TSHZ2: variants seen among roughly 807,000 people sequenced by gnomAD.
The protein encoded by TSHZ2 is teashirt homolog 2.
A neutral mutation model predicts 74.4 loss-of-function variants in TSHZ2; 21 were observed. The ratio of observed to expected loss-of-function variants is 0.28; its 90% CI spans 0.20 to 0.41. The LOEUF (loss-of-function observed/expected upper bound fraction) is 0.41, where lower values mean the gene tolerates loss of function less well. Ranked by LOEUF, TSHZ2 falls within the 10% of genes least tolerant of loss-of-function variation. The pLI is 1.00. For missense variants in TSHZ2, 1,244 were observed against 1,293.5 expected, an observed-to-expected ratio of 0.96 and a Z score of 0.59; for synonymous variants, 540 against 515.3, an observed-to-expected ratio of 1.05 and a Z score of -0.65.
rs139846277 is a variant in TSHZ2 at position 53,013,798 on chromosome 20, A to G, written c.40+40465A>G. Reference sequence around the variant, plus strand: ...CATCAGTGATAGCTTTCTATTGCCTATGTGGTTTTAAAAAATCTTCTTTCC... The same window carrying G: ...CATCAGTGATAGCTTTCTATTGCCTGTGTGGTTTTAAAAAATCTTCTTTCC... On this transcript the variant is annotated intron_variant, in intron 1 of 2. Transcript: ENST00000371497. 3.3e-5 allele frequency among the ~76,000 whole-genome samples: 5 copies of G among 152,312 alleles called. No homozygotes were observed. In the East Asian group the frequency reaches 9.6e-4, roughly 29 times the overall value.
At chr20:53,464,874 C>G (rs570908651) in intron 2 of TSHZ2, among the ~76,000 whole-genome samples, 13 of 152,322 alleles carry the variant, frequency 8.5e-5, no homozygotes, top group African/African-American at 3.1e-4. Flanking sequence ...TCAAATGATC[C>G]TCCTGCCTCA....
chr20:53,485,982 T>C (rs1365427366), intron 2 of TSHZ2, among the ~76,000 whole-genome samples: 5 of 152,210 alleles, frequency 3.3e-5, no homozygotes, highest in Admixed American at 2.6e-4. Context: ...AATGTCCATC[T>C]ACAGAATTTT....
At chr20:53,113,733 G>A (rs1034943625) in intron 1 of TSHZ2, among the ~76,000 whole-genome samples, 1 of 152,098 alleles carries the variant, frequency 6.6e-6, no homozygotes, top group East Asian at 1.9e-4. Flanking sequence ...CTTAAGCGTA[G>A]GTTAATCCCT....
intron 1 of TSHZ2, among the ~76,000 whole-genome samples, chr20:53,073,194 C>G (rs1375041008): frequency 7.0e-6 from 1 of 142,896 alleles, no homozygotes; most frequent in Non-Finnish European, 1.5e-5. Flanking sequence ...CCATCCATCC[C>G]TCCCTCCATC....
intron 1 of TSHZ2, among the ~76,000 whole-genome samples, chr20:53,170,287 T>C (rs1988167510): frequency 6.6e-6 from 1 of 152,230 alleles, no homozygotes. Context: ...AATTGACATC[T>C]AGGCTAAGAA....
rs570800961 is a variant in TSHZ2 at position 53,020,463 on chromosome 20, T to A, written c.40+47130T>A. Among the ~76,000 whole-genome samples the A allele has an allele frequency of 7.2e-5, 11 of 152,296 alleles. No individual in the cohort carries two copies. In the South Asian group the frequency reaches 1.9e-3, roughly 26 times the overall value. On this transcript the variant is annotated intron_variant, in intron 1 of 2. Coordinates refer to ENST00000371497, the MANE Select transcript of TSHZ2 (RefSeq NM_173485.6). ...TCCTAACTCGCATTACAAGCTAGGATCTGGTGTTCACAAAAAACCACCTTC... is the reference window on the plus strand; with the variant it reads ...TCCTAACTCGCATTACAAGCTAGGAACTGGTGTTCACAAAAAACCACCTTC...
intron 1 of TSHZ2, among the ~76,000 whole-genome samples, chr20:53,197,604 A>AAT (rs1988903960): frequency 1.3e-5 from 2 of 152,166 alleles, no homozygotes; most frequent in Non-Finnish European, 2.9e-5. Flanking sequence ...CATATAATTT[A>AAT]TTTCTCCCCC....
At chr20:53,422,303 G>A (rs763939094) in intron 2 of TSHZ2, among the ~76,000 whole-genome samples, 6 of 152,066 alleles carry the variant, frequency 3.9e-5, no homozygotes, top group South Asian at 2.1e-4. Context: ...GGAAATGAAC[G>A]GTTAAGGACC....
In TSHZ2 at chr20:53,241,699, G is replaced by C. The variant is rs573134829; in HGVS notation, c.41-11800G>C. On this transcript the variant is annotated intron_variant, in intron 1 of 2. Coordinates refer to ENST00000371497, the MANE Select transcript of TSHZ2 (RefSeq NM_173485.6). ...CATACTGAGTGCTGATTTTTACCAGGCATTCTGACTTCTTTCCAGTTATCT... is the reference window on the plus strand; with the variant it reads ...CATACTGAGTGCTGATTTTTACCAGCCATTCTGACTTCTTTCCAGTTATCT... Among the ~76,000 whole-genome samples the C allele has an allele frequency of 3.3e-5, 5 of 152,188 alleles. No homozygotes were observed. In the East Asian group the frequency reaches 9.6e-4, roughly 29 times the overall value.
chr20:53,380,602 A>C (rs533557023), intron 2 of TSHZ2, among the ~76,000 whole-genome samples: 27 of 152,314 alleles, frequency 1.8e-4, no homozygotes, highest in Middle Eastern at 3.4e-3. Flanking sequence ...AAATCCAACA[A>C]AGACAGTAAA....
Position 53,254,543 on chromosome 20 carries a change from A to G in TSHZ2, c.1085A>G (p.Tyr362Cys), listed in dbSNP as rs1454386977. The change falls in exon 2 of 3, where the codon TAC becomes TGC. Residue 362 changes from tyrosine (Y) to cysteine (C), a missense_variant. Transcript: ENST00000371497. Reference sequence around the variant, plus strand: ...TTGTCCTCCAACAACCGCTATGGCTACCAAAATGGAGCCAGCTACACCTGG... The same window carrying G: ...TTGTCCTCCAACAACCGCTATGGCTGCCAAAATGGAGCCAGCTACACCTGG... Reference protein sequence around the residue: ...LQLSSNNRYGYQNGASYTWQF... With the variant: ...LQLSSNNRYGCQNGASYTWQF... The G allele has an allele frequency of 1.2e-6, 2 of 1,613,800 alleles. No individual in the cohort carries two copies. Among genetic ancestry groups the G allele is most frequent in the East Asian group, 4.5e-5 (2 of 44,886 alleles).
intron 1 of TSHZ2, among the ~76,000 whole-genome samples, chr20:53,093,612 T>C (rs1427723045): frequency 6.6e-6 from 1 of 152,258 alleles, no homozygotes; most frequent in East Asian, 1.9e-4. Context: ...ATGGCTGGTG[T>C]CTTCTCATTC....
intron 2 of TSHZ2, among the ~76,000 whole-genome samples, chr20:53,311,328 A>G (rs752347424): frequency 5.9e-5 from 9 of 152,268 alleles, no homozygotes; most frequent in East Asian, 1.9e-4. Flanking sequence ...AGGCATGTCT[A>G]TACCCAGAAT....
intron 2 of TSHZ2, among the ~76,000 whole-genome samples, chr20:53,272,184 G>A (rs1418123775): frequency 6.6e-6 from 1 of 152,058 alleles, no homozygotes; most frequent in Non-Finnish European, 1.5e-5. Context: ...GCTAATTTTT[G>A]TATATTTAGT....
intron 2 of TSHZ2, among the ~76,000 whole-genome samples, chr20:53,385,393 C>T (rs1460360519): frequency 6.6e-6 from 1 of 151,996 alleles, no homozygotes; most frequent in Non-Finnish European, 1.5e-5. Flanking sequence ...TTTGCACCCC[C>T]ACAGAAAGAA....
intron 2 of TSHZ2, among the ~76,000 whole-genome samples, chr20:53,296,584 AAC>A (rs1351223986): frequency 2.6e-5 from 4 of 152,154 alleles, no homozygotes; most frequent in African/African-American, 9.7e-5. Flanking sequence ...TTTTTCTTAA[AAC>A]ACAGTCTCTG....
intron 2 of TSHZ2, among the ~76,000 whole-genome samples, chr20:53,294,846 G>C (rs1356356109): frequency 6.6e-6 from 1 of 152,132 alleles, no homozygotes; most frequent in African/African-American, 2.4e-5. Flanking sequence ...CCTTTGAAAA[G>C]CAGGATTCCC....
At chr20:53,391,210 G>C (rs922321135) in intron 2 of TSHZ2, among the ~76,000 whole-genome samples, 1 of 152,084 alleles carries the variant, frequency 6.6e-6, no homozygotes, top group African/African-American at 2.4e-5. Context: ...GCAGTGGCAC[G>C]ATCTCGGCTC....
intron 1 of TSHZ2, among the ~76,000 whole-genome samples, chr20:53,170,824 C>A (rs1042484752): frequency 3.3e-5 from 5 of 152,052 alleles, no homozygotes; most frequent in Non-Finnish European, 5.9e-5. Flanking sequence ...GGTGTTTGGG[C>A]CCAGCTCTAG....
Sources: allele counts gnomAD v4.1 joint callset (sites outside exome capture counted in the v4.1 genomes callset), GRCh38; gene constraint gnomAD v4.1.1; transcripts MANE v1.5; gene names NCBI Gene and HGNC (gene_info 2026-07-23, HGNC 2026-07-21).